PRKAR2A: variants seen among roughly 807,000 people sequenced by gnomAD.
PRKAR2A encodes the protein cAMP-dependent protein kinase type II-alpha regulatory subunit.
A neutral mutation model predicts 51.9 loss-of-function variants in PRKAR2A; 29 were observed. That is an observed-to-expected ratio of 0.56 (90% CI 0.42 to 0.76). The LOEUF is 0.76. Among genes scored for constraint, PRKAR2A ranks in the 30% least tolerant of loss-of-function variants. The pLI, the probability that PRKAR2A is intolerant of heterozygous loss-of-function variation, is 0.00. For missense variants in PRKAR2A, 445 were observed against 512.1 expected (o/e 0.87, Z 1.26); for synonymous variants, 178 against 186.2 (o/e 0.96, Z 0.36).
At chr3:48,765,219 T>A in intron 7 of PRKAR2A, 29 bp downstream of exon 7, 1 of 1,576,792 alleles carries the variant, frequency 6.3e-7, no homozygotes, top group Non-Finnish European at 8.7e-7. Context: ...CTGATCCCCA[T>A]GAACAGATTC....
intron 5 of PRKAR2A, among the ~76,000 whole-genome samples, chr3:48,775,808 A>C (rs1457995350): frequency 6.6e-6 from 1 of 152,082 alleles, no homozygotes; most frequent in African/African-American, 2.4e-5. Flanking sequence ...TTATGGAGTC[A>C]TTAAAAATAA....
chr3:48,795,817 G>A (rs1413620329), intron 2 of PRKAR2A, among the ~76,000 whole-genome samples: 1 of 152,172 alleles, frequency 6.6e-6, no homozygotes, highest in Non-Finnish European at 1.5e-5. Context: ...TTACAGGCAT[G>A]TGCCACCGCG....
chr3:48,753,386 TAAG>T (rs2081696918), intron 9 of PRKAR2A, among the ~76,000 whole-genome samples: 1 of 152,136 alleles, frequency 6.6e-6, no homozygotes, highest in African/African-American at 2.4e-5. Flanking sequence ...TCTCAATCTC[TAAG>T]AACCACTTTA....
At chr3:48,756,569 T>A in intron 8 of PRKAR2A, 125 bp from the exon 9 acceptor site, 1 of 696,094 alleles carries the variant, frequency 1.4e-6, no homozygotes, top group Non-Finnish European at 2.4e-6. Context: ...AATGAATCAA[T>A]AGTAAACAAA....
chr3:48,834,278 G>A (rs2083243831), intron 1 of PRKAR2A, among the ~76,000 whole-genome samples: 1 of 151,990 alleles, frequency 6.6e-6, no homozygotes, highest in African/African-American at 2.4e-5. Context: ...TGTGAACCAA[G>A]CAAAGGAGGA....
downstream of PRKAR2A, among the ~76,000 whole-genome samples, chr3:48,746,353 TAAAAAAAAAAA>T (rs34195938): frequency 1.2e-4 from 8 of 68,276 alleles, no homozygotes; most frequent in Non-Finnish European, 1.9e-4. Context: ...ATCCTGTCAC[TAAAAAAAAAAA>T]AAAAAAAAAA....
At chr3:48,756,885 A>G (rs2081779224) in intron 8 of PRKAR2A, among the ~76,000 whole-genome samples, 1 of 152,210 alleles carries the variant, frequency 6.6e-6, no homozygotes. Context: ...CAGAGCCCCA[A>G]GTGGGCACCA....
chr3:48,801,919 A>T (rs911181539), intron 2 of PRKAR2A, among the ~76,000 whole-genome samples: 5 of 149,458 alleles, frequency 3.3e-5, no homozygotes, highest in Admixed American at 3.3e-4. Flanking sequence ...TATTTATTTA[A>T]TTTTTTTGAG....
chr3:48,769,792 TGA>T lies in PRKAR2A; in HGVS notation c.696+3161_696+3162del, dbSNP rs564930933. 3.9e-5 allele frequency among the ~76,000 whole-genome samples: 6 copies of T among 152,140 alleles called. No homozygotes were observed. In the South Asian group the frequency reaches 1.2e-3, roughly 32 times the overall value. On this transcript the variant is annotated intron_variant, in intron 6 of 10. Coordinates refer to ENST00000265563, the MANE Select transcript of PRKAR2A (RefSeq NM_004157.4). Reference sequence around the variant, plus strand: ...CGCCCGGCAAGCGACTTTTTTTTTTTGAGACAGAGTCTCACTCTGTCACTCAG... The same window carrying T: ...CGCCCGGCAAGCGACTTTTTTTTTTTGACAGAGTCTCACTCTGTCACTCAG...
chr3:48,764,806 G>A (rs2081913563), intron 8 of PRKAR2A, among the ~76,000 whole-genome samples, 198 bp downstream of exon 8: 1 of 152,132 alleles, frequency 6.6e-6, no homozygotes, highest in African/African-American at 2.4e-5. Context: ...TGTATTTTTA[G>A]TAGAGATGGA....
intron 8 of PRKAR2A, 60 bp from the exon 9 acceptor site, chr3:48,756,504 T>C (rs2081768214): frequency 1.6e-6 from 2 of 1,281,498 alleles, no homozygotes; most frequent in Non-Finnish European, 2.3e-6. Context: ...AATAAAGAAA[T>C]AGATTGCTTT....
intron 6 of PRKAR2A, among the ~76,000 whole-genome samples, chr3:48,766,277 A>G (rs1464890963): frequency 6.6e-6 from 1 of 152,048 alleles, no homozygotes; most frequent in Non-Finnish European, 1.5e-5. Flanking sequence ...TAAAAAGTCT[A>G]CATTTCAAGG....
At position 48,833,765 on chromosome 3, in the gene PRKAR2A, G is replaced by A. The variant is rs181796851; in HGVS notation, c.262+13570C>T. On this transcript the variant is annotated intron_variant, in intron 1 of 10. Coordinates refer to ENST00000265563, the MANE Select transcript of PRKAR2A (RefSeq NM_004157.4). ...AAATTGTTTCTTCCGGCCAGGCGCAGTGGCTCACGCCTGTATTCCCAGCAC... is the reference window on the plus strand; with the variant it reads ...AAATTGTTTCTTCCGGCCAGGCGCAATGGCTCACGCCTGTATTCCCAGCAC... 4.8e-3 allele frequency among the ~76,000 whole-genome samples: 724 copies of A among 150,636 alleles called. 6 individuals carry two copies. Among genetic ancestry groups the A allele is most frequent in the African/African-American group, 0.017 (692 of 41,118 alleles).
At chr3:48,782,196 T>A (rs2082208294) in intron 5 of PRKAR2A, among the ~76,000 whole-genome samples, 1 of 152,114 alleles carries the variant, frequency 6.6e-6, no homozygotes, top group Non-Finnish European at 1.5e-5. Flanking sequence ...CTCAAGAGGT[T>A]AGGACACAGT....
intron 2 of PRKAR2A, among the ~76,000 whole-genome samples, chr3:48,797,121 G>A (rs1230490881): frequency 1.3e-5 from 2 of 151,762 alleles, no homozygotes; most frequent in Admixed American, 6.6e-5. Flanking sequence ...CTACAACTAC[G>A]GGACAGGCTG....
chr3:48,784,008 A>G (rs1366667131), intron 4 of PRKAR2A, among the ~76,000 whole-genome samples: 2 of 152,240 alleles, frequency 1.3e-5, no homozygotes, highest in Non-Finnish European at 2.9e-5. Flanking sequence ...GAGATATATT[A>G]TAAGACAGCT....
In PRKAR2A at chr3:48,749,394, C is replaced by T. The variant is rs1260000293; in HGVS notation, c.*2191G>A. 2 of 152,110 alleles carry T rather than the reference C, an allele frequency of 1.3e-5. No homozygotes were observed. The highest frequency in any genetic ancestry group is 4.8e-5 in the African/African-American group (2 of 41,426). The allele number at this position is 152,110 out of a possible 1,614,324, so 9.4% of individuals were successfully genotyped here. A position where few individuals can be genotyped will look rare whatever the true frequency, so the allele number is the denominator to read the frequency against. ...TAAATACAAGCTAAATTACCTTCTT[C>T]TGGGGTTAACAATTAGAATCCCAAA... On this transcript the variant is annotated 3_prime_UTR_variant, in exon 11 of 11. Transcript: ENST00000265563.
chr3:48,770,589 T>C (rs1176197416), intron 6 of PRKAR2A, among the ~76,000 whole-genome samples: 1 of 152,032 alleles, frequency 6.6e-6, no homozygotes, highest in Non-Finnish European at 1.5e-5. Flanking sequence ...GCAAAGCAAG[T>C]CAATTAACAG....
intron 1 of PRKAR2A, among the ~76,000 whole-genome samples, chr3:48,843,161 T>G (rs1270282675): frequency 6.6e-6 from 1 of 152,090 alleles, no homozygotes; most frequent in Non-Finnish European, 1.5e-5. Flanking sequence ...GTCGAGGAAT[T>G]TATCCATTTC....
Sources: allele counts gnomAD v4.1 joint callset (sites outside exome capture counted in the v4.1 genomes callset), GRCh38; gene constraint gnomAD v4.1.1; transcripts MANE v1.5; gene names NCBI Gene and HGNC (gene_info 2026-07-23, HGNC 2026-07-21).